The following CSMD3 variants were observed in gnomAD, a reference collection of about 807,000 sequenced individuals.
The protein encoded by CSMD3 is CUB and sushi domain-containing protein 3.
Under a neutral mutation model 435.2 loss-of-function variants are expected in CSMD3, and 177 were observed. The observed-to-expected ratio is 0.41, with a 90% CI of 0.36 to 0.46. The LOEUF (loss-of-function observed/expected upper bound fraction) is 0.46. CSMD3 is among the 20% of genes least tolerant of loss of function. The pLI is 0.34. For synonymous variants in CSMD3, 1,656 were observed against 1,520.5 expected (o/e 1.09, Z -2.07); for missense variants, 4,265 against 4,504.6 (o/e 0.95, Z 1.52).
At chr8:112,412,334 T>G (rs1374696126) in intron 32 of CSMD3, among the ~76,000 whole-genome samples, 1 of 143,354 alleles carries the variant, frequency 7.0e-6, no homozygotes, top group Non-Finnish European at 1.5e-5. Context: ...CTGTGCTGAT[T>G]ATGCCTTTTG....
chr8:113,199,582 C>G (rs1171812057), intron 3 of CSMD3, among the ~76,000 whole-genome samples: 1 of 151,614 alleles, frequency 6.6e-6, no homozygotes, highest in Admixed American at 6.6e-5. Flanking sequence ...ACAAAATGTG[C>G]ACACATCTAC....
chr8:113,160,709 A>C (rs879460186), intron 4 of CSMD3, among the ~76,000 whole-genome samples: 23 of 152,084 alleles, frequency 1.5e-4, no homozygotes, highest in Non-Finnish European at 2.8e-4. Context: ...ATAAAGATAA[A>C]TTATTCAAAA....
chr8:112,339,733 C>T (rs570670226), intron 42 of CSMD3, among the ~76,000 whole-genome samples: 1 of 152,218 alleles, frequency 6.6e-6, no homozygotes, highest in East Asian at 1.9e-4. Context: ...TTTCCAAATT[C>T]AGAAGGTTCT....
At chr8:112,926,328 G>A (rs939714560) in intron 9 of CSMD3, among the ~76,000 whole-genome samples, 4 of 152,070 alleles carry the variant, frequency 2.6e-5, no homozygotes, top group Middle Eastern at 3.4e-3. Context: ...ATGACAAGGA[G>A]GACAAGCTGT....
At chr8:112,643,997 T>C (rs1006375636) in intron 20 of CSMD3, among the ~76,000 whole-genome samples, 3 of 151,700 alleles carry the variant, frequency 2.0e-5, no homozygotes, top group Non-Finnish European at 4.4e-5. Context: ...TGACTTTTTC[T>C]TTTTTTAGAT....
intron 7 of CSMD3, among the ~76,000 whole-genome samples, chr8:112,975,013 A>G (rs1031081080): frequency 6.6e-6 from 1 of 151,856 alleles, no homozygotes; most frequent in Non-Finnish European, 1.5e-5. Flanking sequence ...TATCGATATA[A>G]ATAAAGACCT....
At position 113,207,414 on chromosome 8, in the gene CSMD3, C is replaced by T. The variant is rs564750408; in HGVS notation, c.515-33498G>A. 6.3e-4 allele frequency among the ~76,000 whole-genome samples: 94 copies of T among 148,402 alleles called. 1 individual carries two copies. The highest frequency in any genetic ancestry group is 2.3e-3 in the African/African-American group (92 of 40,100). ...TTTTTTTTTTTTAGATGGATCCTCG[C>T]TCTGTCACCCAGGCTGGAGTGCAGC... is the stretch of plus-strand genomic sequence containing the variant. On this transcript the variant is annotated intron_variant, in intron 3 of 70. Coordinates refer to ENST00000297405, the MANE Select transcript of CSMD3 (RefSeq NM_198123.2).
At chr8:112,550,160 C>A (rs1404547036) in intron 27 of CSMD3, among the ~76,000 whole-genome samples, 1 of 151,874 alleles carries the variant, frequency 6.6e-6, no homozygotes, top group Non-Finnish European at 1.5e-5. Flanking sequence ...AATGCTATTT[C>A]ATTGTCATAT....
At chr8:112,468,584 A>G (rs1322031333) in intron 32 of CSMD3, among the ~76,000 whole-genome samples, 1 of 152,148 alleles carries the variant, frequency 6.6e-6, no homozygotes, top group Non-Finnish European at 1.5e-5. Context: ...GTTCTCTTAC[A>G]TTCTAAAGCA....
chr8:113,347,704 G>A (rs947028306), intron 1 of CSMD3, among the ~76,000 whole-genome samples: 4 of 152,156 alleles, frequency 2.6e-5, no homozygotes, highest in African/African-American at 7.2e-5. Context: ...GGCAGTGACA[G>A]TCCAGCTCCC....
chr8:113,326,218 AGCCCCC>A (rs1351979281), intron 1 of CSMD3, among the ~76,000 whole-genome samples: 2 of 152,118 alleles, frequency 1.3e-5, no homozygotes, highest in African/African-American at 2.4e-5. Context: ...TAAGTGAAAA[AGCCCCC>A]TTGTTTCTGA....
At chr8:112,257,918 G>T (rs186331742) in intron 61 of CSMD3, among the ~76,000 whole-genome samples, 1 of 152,130 alleles carries the variant, frequency 6.6e-6, no homozygotes, top group Non-Finnish European at 1.5e-5. Context: ...GCATGTTACT[G>T]CTACCAAAAC....
At chr8:112,554,840 C>T (rs193188237) in intron 25 of CSMD3, among the ~76,000 whole-genome samples, 20 of 152,016 alleles carry the variant, frequency 1.3e-4, no homozygotes, top group Admixed American at 1.1e-3. Flanking sequence ...AATATAATTA[C>T]CTATAAGTAA....
intron 22 of CSMD3, among the ~76,000 whole-genome samples, chr8:112,601,954 C>T (rs572559719): frequency 6.6e-6 from 1 of 152,224 alleles, no homozygotes; most frequent in African/African-American, 2.4e-5. Flanking sequence ...ATACAAGTTT[C>T]AGGTTAAGCA....
At chr8:112,259,726 G>A (rs890933573) in intron 61 of CSMD3, among the ~76,000 whole-genome samples, 2 of 152,110 alleles carry the variant, frequency 1.3e-5, no homozygotes, top group African/African-American at 2.4e-5. Flanking sequence ...TGGGCTAGTT[G>A]ACATTCAAGT....
At chr8:113,157,676 T>G (rs2091960173) in intron 4 of CSMD3, among the ~76,000 whole-genome samples, 1 of 152,090 alleles carries the variant, frequency 6.6e-6, no homozygotes, top group Admixed American at 6.6e-5. Context: ...TATGTTTGCA[T>G]TTCACATTTC....
chr8:112,688,118 G>T (rs2076052272), intron 14 of CSMD3, among the ~76,000 whole-genome samples: 1 of 152,110 alleles, frequency 6.6e-6, no homozygotes, highest in African/African-American at 2.4e-5. Flanking sequence ...AAAGTGTTTG[G>T]TTATGTTCCA....
At chr8:113,092,653 GTTC>G (rs2090042877) in intron 5 of CSMD3, among the ~76,000 whole-genome samples, 1 of 151,992 alleles carries the variant, frequency 6.6e-6, no homozygotes, top group Non-Finnish European at 1.5e-5. Flanking sequence ...CCTTTTCCTT[GTTC>G]TTCTTCCTAC....
At chr8:113,177,695 A>T (rs1007069178) in intron 3 of CSMD3, among the ~76,000 whole-genome samples, 3 of 151,984 alleles carry the variant, frequency 2.0e-5, no homozygotes, top group Non-Finnish European at 4.4e-5. Flanking sequence ...ATGTCTCTGA[A>T]AATGTCAGAG....
Sources: gnomAD v4.1 joint callset for allele counts (sites outside exome capture counted in the v4.1 genomes callset) on GRCh38, gnomAD v4.1.1 for gene constraint, MANE v1.5 for transcripts, NCBI Gene and HGNC (gene_info 2026-07-23, HGNC 2026-07-21) for gene names.